The following LHX9 variants were observed in gnomAD, a reference collection of about 807,000 sequenced individuals.
The protein encoded by LHX9 is LIM/homeobox protein Lhx9.
Under a neutral mutation model 36.5 loss-of-function variants are expected in LHX9, and 9 were observed. The observed-to-expected ratio is 0.25, with a 90% CI of 0.15 to 0.43. The LOEUF (loss-of-function observed/expected upper bound fraction) is 0.43. LHX9 is among the 20% of genes least tolerant of loss of function. The pLI, the probability that LHX9 is intolerant of heterozygous loss-of-function variation, is 1.00. For missense variants in LHX9, 464 were observed against 526.4 expected (o/e 0.88, Z 1.16); for synonymous variants, 211 against 212.1 (o/e 0.99, Z 0.04).
At chr1:197,919,060 G>C (rs1198804352) in intron 1 of LHX9, among the ~76,000 whole-genome samples, 1 of 152,238 alleles carries the variant, frequency 6.6e-6, no homozygotes, top group Admixed American at 6.5e-5. Context: ...TCGTGGGGAA[G>C]ATCAACCCAT....
upstream of LHX9, chr1:197,916,375 G>A: frequency 2.7e-6 from 1 of 373,534 alleles, no homozygotes; most frequent in Non-Finnish European, 4.9e-6. Context: ...GTGCGGGTGC[G>A]CCCAGTTTTA....
At chr1:197,917,101 TGTGTGTGTGTGTGTGCGCGCGCGCGCGC>T, upstream of LHX9, 1 of 170,406 alleles carries the variant, frequency 5.9e-6, no homozygotes, top group Non-Finnish European at 1.2e-5. Context: ...TGTGTGTGTG[TGTGTGTGTGTGTGTGCGCGCGCGCGCGC>T]GTGTGTGTGT....
Position 197,929,865 on chromosome 1 carries a change from G to A in LHX9, c.*606G>A. ...CATTTTAAATAGTAATGATTAATTAGGTGAGAAATCTATTACAGGAATGTG... is the reference window on the plus strand; with the variant it reads ...CATTTTAAATAGTAATGATTAATTAAGTGAGAAATCTATTACAGGAATGTG... On this transcript the variant is annotated 3_prime_UTR_variant, in exon 5 of 5. Transcript: ENST00000367387. 1.0e-6 allele frequency: 1 copy of A among 958,242 alleles called. No homozygotes were observed. The highest frequency in any genetic ancestry group is 1.2e-6 in the Non-Finnish European group (1 of 805,026). The allele number at this position is 958,242 out of a possible 1,614,324, so 59.4% of individuals were successfully genotyped here.
At chr1:197,925,620 T>G (rs1660121300) in intron 3 of LHX9, among the ~76,000 whole-genome samples, 2 of 152,202 alleles carry the variant, frequency 1.3e-5, no homozygotes, top group African/African-American at 4.8e-5. Flanking sequence ...ATAGAGATGC[T>G]GTTTCATCCA....
chr1:197,913,424 C>T (rs543015447), upstream of LHX9, among the ~76,000 whole-genome samples: 6 of 152,290 alleles, frequency 3.9e-5, no homozygotes, highest in South Asian at 1.2e-3. Context: ...TCCCATTTGT[C>T]TTGAGGGAGG....
At chr1:197,928,221 T>C (rs576803960) in intron 4 of LHX9, among the ~76,000 whole-genome samples, 26 of 152,324 alleles carry the variant, frequency 1.7e-4, no homozygotes, top group African/African-American at 6.3e-4. Context: ...AGGTGGAACC[T>C]TTTTTCCACT....
rs1440730620 is a variant in LHX9, at chr1:197,921,501, A to G, written c.575A>G (p.Gln192Arg). ...YCRAHFETLL[Q>R]GEYPPQLSYT... ...CGCGCCCACTTCGAGACCCTCTTGC[A>G]AGGAGAGTATCCACCGCAGCTGAGC... Residue 192 changes from glutamine to arginine, a missense_variant, in exon 3 of 5, where the codon CAA becomes CGA. By Grantham distance (43) the Gln-to-Arg change is conservative. Around this residue, in one of 5 missense-constraint regions of LHX9, gnomAD observed 130 missense variants for 109.6 expected, o/e 1.19. Coordinates refer to ENST00000367387, the MANE Select transcript of LHX9 (RefSeq NM_020204.3). This position sits in a 1 kb window ranked among gnomAD's most constrained non-coding sequence, Gnocchi z 4.6. The G allele has an allele frequency of 6.2e-7, 1 of 1,614,026 alleles. No individual in the cohort carries two copies. Among genetic ancestry groups the G allele is most frequent in the Non-Finnish European group, 8.5e-7 (1 of 1,180,038 alleles).
At chr1:197,918,371 G>C in intron 1 of LHX9, 2 of 717,366 alleles carry the variant, frequency 2.8e-6, no homozygotes, top group Non-Finnish European at 2.6e-6. Flanking sequence ...TAAGCAATAG[G>C]AGGACGGCGC....
rs986338316 is a variant in LHX9, at chr1:197,931,010, A to G, written c.*1751A>G. On this transcript the variant is annotated 3_prime_UTR_variant, in exon 5 of 5. Transcript: ENST00000367387. Reference sequence around the variant, plus strand: ...TGACACTTATAAATTTTGTTCTTTGACAGAACAATATATGGTACTATATAG... The same window carrying G: ...TGACACTTATAAATTTTGTTCTTTGGCAGAACAATATATGGTACTATATAG... 6.6e-5 allele frequency: 10 copies of G among 151,992 alleles called. No homozygotes were observed. Among genetic ancestry groups the G allele is most frequent in the Non-Finnish European group, 4.4e-5 (3 of 67,870 alleles). The allele number at this position is 151,992 out of a possible 1,614,324, so 9.4% of individuals were successfully genotyped here. A position where few individuals can be genotyped will look rare whatever the true frequency, so the allele number is the denominator to read the frequency against.
At position 197,917,621 on chromosome 1, in the gene LHX9, G is replaced by A; in HGVS notation, c.-203G>A. The A allele has an allele frequency of 6.6e-7, 1 of 1,512,566 alleles. No individual in the cohort carries two copies. The highest frequency in any genetic ancestry group is 1.3e-5 in the South Asian group (1 of 78,446). 93.7% of individuals were successfully genotyped at this position (1,512,566 alleles called of 1,614,324 possible). On this transcript the variant is annotated 5_prime_UTR_variant, in exon 1 of 5. Transcript: ENST00000367387. ...TGCACATCTCCTTCAGGGAGCCGCT[G>A]AGGCTTCCCCCCAACTCTTCCCAGT... is the stretch of plus-strand genomic sequence containing the variant.
chr1:197,916,435 G>A, upstream of LHX9: 3 of 547,438 alleles, frequency 5.5e-6, no homozygotes, highest in Non-Finnish European at 9.8e-6. Context: ...GATGGGGCTA[G>A]CGCCCAGTCC....
Position 197,930,903 on chromosome 1 carries a change from A to C in LHX9, c.*1644A>C, listed in dbSNP as rs1437247539. ...TCTTGACTTTTCATACTTCTATTAC[A>C]TTTTGGGCATTTACCACTAACCAGA... On this transcript the variant is annotated 3_prime_UTR_variant, in exon 5 of 5. Transcript: ENST00000367387. 1 of 151,972 alleles carries C rather than the reference A, an allele frequency of 6.6e-6. No individual in the cohort carries two copies. Among genetic ancestry groups the C allele is most frequent in the Non-Finnish European group, 1.5e-5 (1 of 67,866 alleles). 9.4% of individuals were successfully genotyped at this position (151,972 alleles called of 1,614,324 possible).
In LHX9 at chr1:197,927,772, T is replaced by C; in HGVS notation, c.915T>C (p.Gly305=). 4 of 1,614,220 alleles carry C rather than the reference T, an allele frequency of 2.5e-6. No homozygotes were observed. Among genetic ancestry groups the C allele is most frequent in the Non-Finnish European group, 3.4e-6 (4 of 1,180,034 alleles). ...TCAAGCAGCTTGCCCAGAAAACAGGTCTGACCAAAAGAGTTTTGCAGGTAA... is the reference window on the plus strand; with the variant it reads ...TCAAGCAGCTTGCCCAGAAAACAGGCCTGACCAAAAGAGTTTTGCAGGTAA... ...KDLKQLAQKT[G]LTKRVLQVWF... is the part of the protein sequence containing the mutation. The change falls in exon 4 of 5, where the codon GGT becomes GGC. Residue 305 remains glycine, a synonymous_variant. Coordinates refer to ENST00000367387, the MANE Select transcript of LHX9 (RefSeq NM_020204.3).
At chr1:197,927,820 C>A in intron 4 of LHX9, 27 bp downstream of exon 4, 2 of 1,581,342 alleles carry the variant, frequency 1.3e-6, no homozygotes. Flanking sequence ...ATTGACTGTG[C>A]ATACATTTCC....
chr1:197,924,883 G>C (rs1442704891), intron 3 of LHX9, among the ~76,000 whole-genome samples: 1 of 115,936 alleles, frequency 8.6e-6, no homozygotes, highest in African/African-American at 3.3e-5. Flanking sequence ...ACAGTTTTAA[G>C]AGTTATCATT....
At chr1:197,922,962 T>C (rs1400308206) in intron 3 of LHX9, among the ~76,000 whole-genome samples, 2 of 152,188 alleles carry the variant, frequency 1.3e-5, no homozygotes, top group Non-Finnish European at 2.9e-5. Flanking sequence ...CCAGTGTGAA[T>C]GTGAAGCTAA....
At chr1:197,918,132 C>G (rs1659836608) in intron 1 of LHX9, 135 bp downstream of exon 1, 4 of 931,506 alleles carry the variant, frequency 4.3e-6, no homozygotes, top group Non-Finnish European at 6.5e-6. Flanking sequence ...GGTGAGTTTT[C>G]TCCCGTCCAC....
chr1:197,917,728 C>T lies in LHX9; in HGVS notation c.-96C>T. The stretch of plus-strand genomic sequence containing the variant: ...TCTCCTCCTTTCTCTCCCTCTTTCC[C>T]TCCATCCTCGAGCGTCTCTGCGCTC... On this transcript the variant is annotated 5_prime_UTR_variant, in exon 1 of 5. Transcript: ENST00000367387. The T allele has an allele frequency of 2.4e-5, 38 of 1,596,412 alleles. No homozygotes were observed. The highest frequency in any genetic ancestry group is 3.2e-5 in the Non-Finnish European group (38 of 1,174,298).
intron 3 of LHX9, 47 bp from the exon 4 acceptor site, chr1:197,927,544 G>C: frequency 6.6e-7 from 1 of 1,525,546 alleles, no homozygotes; most frequent in East Asian, 2.3e-5. Flanking sequence ...GTCAGCTAAT[G>C]CAAGAATTTC....
Sources: gnomAD v4.1 joint callset for allele counts (sites outside exome capture counted in the v4.1 genomes callset) on GRCh38, gnomAD v4.1.1 for gene constraint, gnomAD v4.1.1 regional missense constraint, Gnocchi (gnomAD v3.1) non-coding constraint, MANE v1.5 for transcripts, NCBI Gene and HGNC (gene_info 2026-07-23, HGNC 2026-07-21) for gene names.